Variants in ERCC1 observed in about 807,000 individuals in gnomAD.
The protein encoded by ERCC1 is ERCC excision repair 1, endonuclease non-catalytic subunit, also known as DNA excision repair protein ERCC-1.
A neutral mutation model predicts 37.6 loss-of-function variants in ERCC1; 36 were observed. That is an observed-to-expected ratio of 0.96 (90% CI 0.73 to 1.26). The LOEUF (loss-of-function observed/expected upper bound fraction) is 1.26, where lower values mean the gene tolerates loss of function less well. Ranked by LOEUF, ERCC1 falls within the 50% of genes most tolerant of loss-of-function variation. The pLI is 0.00. For synonymous variants in ERCC1, 156 were observed against 162.1 expected, an observed-to-expected ratio of 0.96 and a Z score of 0.28; for missense variants, 349 against 376.5, an observed-to-expected ratio of 0.93 and a Z score of 0.60.
chr19:45,417,856 T>A (rs1453440092), intron 5 of ERCC1, among the ~76,000 whole-genome samples: 1 of 151,980 alleles, frequency 6.6e-6, no homozygotes, highest in Non-Finnish European at 1.5e-5. Context: ...CCCACCACCA[T>A]ATTTTTTGTA....
In ERCC1 at chr19:45,408,220, C is replaced by T. The variant is rs889796834; in HGVS notation, c.*1455G>A. 3.1e-6 allele frequency: 5 copies of T among 1,614,026 alleles called. No homozygotes were observed. In the East Asian group the frequency reaches 6.7e-5, roughly 22 times the overall value. ...AGCGGCACCGCTATCGAGTCCTCAG[C>T]AGCTGTCCCCAAGCTGGAGAAGCGA... is the stretch of plus-strand genomic sequence containing the variant. On this transcript the variant is annotated 3_prime_UTR_variant, in exon 10 of 10. Coordinates refer to ENST00000300853, the MANE Select transcript of ERCC1 (RefSeq NM_001983.4).
At chr19:45,435,623 T>C (rs1974955464) in intron 1 of ERCC1, among the ~76,000 whole-genome samples, 1 of 152,112 alleles carries the variant, frequency 6.6e-6, no homozygotes, top group Non-Finnish European at 1.5e-5. Context: ...CCGCCAGAGC[T>C]GGCTATTTTT....
rs554203911 is a variant in ERCC1, at chr19:45,420,129, G to A, written c.425+195C>T. On this transcript the variant is annotated intron_variant, in intron 4 of 9. Transcript: ENST00000300853. The surrounding 1 kb of genome is among the most constrained non-coding windows in gnomAD (Gnocchi z 4.8). ...CCTCCTTCCTGAGACCCAGGAGTTC[G>A]GGCTCCAGCTCTTGTTGCACTGGGC... Among the ~76,000 whole-genome samples, 64 of 151,916 alleles carry A rather than the reference G, an allele frequency of 4.2e-4. No homozygotes were observed. Among genetic ancestry groups the A allele is most frequent in the African/African-American group, 1.4e-3 (59 of 41,398 alleles).
chr19:45,421,875 C>A (rs1245494177), intron 2 of ERCC1, among the ~76,000 whole-genome samples: 2 of 151,776 alleles, frequency 1.3e-5, no homozygotes, highest in Non-Finnish European at 2.9e-5. Flanking sequence ...TCAGGTGATC[C>A]GCCCGCCTCG....
intron 4 of ERCC1, 66 bp from the exon 5 acceptor site, chr19:45,419,263 C>T: frequency 1.8e-6 from 2 of 1,129,862 alleles, no homozygotes; most frequent in South Asian, 1.3e-5. Context: ...AGCCCTTTTC[C>T]CTCTCACTGG....
chr19:45,421,703 G>A (rs1401996538), intron 2 of ERCC1, among the ~76,000 whole-genome samples: 3 of 149,748 alleles, frequency 2.0e-5, no homozygotes, highest in African/African-American at 4.9e-5. Context: ...GCGTGATCTC[G>A]GCTCACTGCA....
At chr19:45,448,771 G>T (rs1258298413) in intron 1 of ERCC1, among the ~76,000 whole-genome samples, 1 of 151,968 alleles carries the variant, frequency 6.6e-6, no homozygotes, top group East Asian at 1.9e-4. Context: ...AGCTATTTGG[G>T]GGCCTAGAAA....
At chr19:45,416,295 C>T (rs1267288342) in intron 6 of ERCC1, among the ~76,000 whole-genome samples, 1 of 152,218 alleles carries the variant, frequency 6.6e-6, no homozygotes, top group Non-Finnish European at 1.5e-5. Flanking sequence ...CTGGGTTTGA[C>T]AGGAGGAAAA....
intron 2 of ERCC1, among the ~76,000 whole-genome samples, chr19:45,422,903 G>T (rs957736523): frequency 6.6e-6 from 1 of 151,880 alleles, no homozygotes; most frequent in African/African-American, 2.4e-5. Context: ...TTTCAATATT[G>T]CCAGGTCCTT....
At chr19:45,439,571 G>T (rs959019763) in intron 1 of ERCC1, among the ~76,000 whole-genome samples, 3 of 152,138 alleles carry the variant, frequency 2.0e-5, no homozygotes, top group African/African-American at 7.2e-5. Flanking sequence ...TAAATGAATA[G>T]ATAAGCTGAG....
chr19:45,442,488 C>T (rs1170805341), intron 1 of ERCC1, among the ~76,000 whole-genome samples: 2 of 152,116 alleles, frequency 1.3e-5, no homozygotes, highest in Non-Finnish European at 2.9e-5. Flanking sequence ...CTATGCAAAG[C>T]CCATCACAGA....
At position 45,421,049 on chromosome 19, in the gene ERCC1, G is replaced by T. The variant is rs1449688520; in HGVS notation, c.321+129C>A. ...ACCCACACACTGCTGTCGAATGAATGAATGAATGAATGAATGAATGGGGAG... is the reference window on the plus strand; with the variant it reads ...ACCCACACACTGCTGTCGAATGAATTAATGAATGAATGAATGAATGGGGAG... On this transcript the variant is annotated intron_variant, in intron 3 of 9. Transcript: ENST00000300853. The T allele has an allele frequency of 1.5e-5, 12 of 791,718 alleles. No homozygotes were observed. In the East Asian group the frequency reaches 2.6e-4, roughly 17 times the overall value. 49.0% of individuals were successfully genotyped at this position (791,718 alleles called of 1,614,324 possible).
At chr19:45,417,563 A>C (rs79422797) in intron 5 of ERCC1, among the ~76,000 whole-genome samples, 194 of 152,228 alleles carry the variant, frequency 1.3e-3, no homozygotes, top group African/African-American at 3.8e-3. Flanking sequence ...AGAGGATGTG[A>C]AATTCCATGA....
At chr19:45,413,539 A>T (rs531316163) in intron 9 of ERCC1, 138 bp downstream of exon 9, 270 of 1,605,596 alleles carry the variant, frequency 1.7e-4, no homozygotes, top group Non-Finnish European at 2.2e-4. Context: ...GCCTCCCAAA[A>T]TGTTGGGATT....
chr19:45,417,845 G>C (rs537008527), intron 5 of ERCC1, among the ~76,000 whole-genome samples: 3 of 151,944 alleles, frequency 2.0e-5, no homozygotes, highest in Non-Finnish European at 4.4e-5. Flanking sequence ...GACTATAGGT[G>C]CCCACCACCA....
chr19:45,437,582 T>C (rs2123593082), intron 1 of ERCC1, among the ~76,000 whole-genome samples: 1 of 152,298 alleles, frequency 6.6e-6, no homozygotes, highest in African/African-American at 2.4e-5. Flanking sequence ...GACATTATTC[T>C]AAGTGAAATA....
At position 45,423,881 on chromosome 19, in the gene ERCC1, A is replaced by G. The variant is rs553627556; in HGVS notation, c.-108T>C. ...AGAGGGATCGAGGCGGCCCACTGCC[A>G]GCACGGCCAGCGTGGCCCAGGGCTC... On this transcript the variant is annotated 5_prime_UTR_variant, in exon 1 of 10. Coordinates refer to ENST00000300853, the MANE Select transcript of ERCC1 (RefSeq NM_001983.4). 1 of 1,106,242 alleles carries G rather than the reference A, an allele frequency of 9.0e-7. No homozygotes were observed. The highest frequency in any genetic ancestry group is 4.5e-5 in the East Asian group (1 of 22,404). The allele number at this position is 1,106,242 out of a possible 1,614,324, so 68.5% of individuals were successfully genotyped here.
At chr19:45,413,302 T>A in intron 9 of ERCC1, 2 of 502,248 alleles carry the variant, frequency 4.0e-6, no homozygotes, top group Admixed American at 3.5e-5. Context: ...AGGATCGCTC[T>A]GTCACCCAGG....
Position 45,435,643 on chromosome 19 carries a change from T to C in ERCC1, c.-7-12262A>G, listed in dbSNP as rs191014093. Among the ~76,000 whole-genome samples the C allele has an allele frequency of 3.8e-4, 58 of 152,198 alleles. 1 individual carries two copies. The highest frequency in any genetic ancestry group is 1.4e-3 in the African/African-American group (58 of 41,542). On this transcript the variant is annotated intron_variant, in intron 1 of 8. Transcript: ENST00000423698. ...AGAGCTGGCTATTTTTGTGTAGAGA[T>C]GGGGTCTCGCTATGTTGCCCAGGCT... is the stretch of plus-strand genomic sequence containing the variant.
Sources: allele counts gnomAD v4.1 joint callset (sites outside exome capture counted in the v4.1 genomes callset), GRCh38; gene constraint gnomAD v4.1.1; non-coding constraint Gnocchi (gnomAD v3.1); transcripts MANE v1.5; gene names NCBI Gene and HGNC (gene_info 2026-07-23, HGNC 2026-07-21).